ADAMTS9: variants seen among roughly 807,000 people sequenced by gnomAD.
ADAMTS9 encodes A disintegrin and metalloproteinase with thrombospondin motifs 9.
ADAMTS9 carries 107 observed loss-of-function variants against 257.1 expected under a neutral mutation model. That is an observed-to-expected ratio of 0.42 (90% CI 0.36 to 0.49). The LOEUF (loss-of-function observed/expected upper bound fraction) is 0.49. Ranked by LOEUF, ADAMTS9 falls within the 20% of genes least tolerant of loss-of-function variation. ADAMTS9 has a pLI of 0.03. For missense variants in ADAMTS9, 2,353 were observed against 2,469.1 expected (o/e 0.95, Z 1.00); for synonymous variants, 982 against 880.9 (o/e 1.11, Z -2.03).
intron 37 of ADAMTS9, among the ~76,000 whole-genome samples, chr3:64,537,798 T>C (rs935153828): frequency 8.5e-5 from 13 of 152,206 alleles, no homozygotes; most frequent in Non-Finnish European, 1.8e-4. Flanking sequence ...AAGAGAAAAC[T>C]GGCCAAGTTC....
At chr3:64,551,313 C>T (rs1419195106) in intron 30 of ADAMTS9, among the ~76,000 whole-genome samples, 4 of 152,090 alleles carry the variant, frequency 2.6e-5, no homozygotes, top group Admixed American at 1.3e-4. Context: ...GGGTTCACGC[C>T]GTTTTCCTGC....
chr3:64,644,682 C>T (rs1410698464), intron 11 of ADAMTS9, among the ~76,000 whole-genome samples: 1 of 152,174 alleles, frequency 6.6e-6, no homozygotes, highest in African/African-American at 2.4e-5. Flanking sequence ...CCATTTTGTA[C>T]CTTGAGGACA....
At chr3:64,647,750 G>A (rs927598675) in intron 11 of ADAMTS9, among the ~76,000 whole-genome samples, 190 bp downstream of exon 11, 5 of 152,232 alleles carry the variant, frequency 3.3e-5, no homozygotes, top group Non-Finnish European at 7.3e-5. Flanking sequence ...TCTGGTATCA[G>A]CATTATGCTA....
chr3:64,681,164 A>C, intron 3 of ADAMTS9, 37 bp downstream of exon 3: 1 of 1,590,302 alleles, frequency 6.3e-7, no homozygotes, highest in Non-Finnish European at 8.5e-7. Context: ...ACCCATCTCA[A>C]AGAGCTGGGC....
At chr3:64,616,280 G>A (rs978898814) in intron 19 of ADAMTS9, 110 bp from the exon 20 acceptor site, 46 of 1,159,964 alleles carry the variant, frequency 4.0e-5, no homozygotes, top group Non-Finnish European at 5.6e-5. Flanking sequence ...TTCTTAACTC[G>A]AATACCATGA....
chr3:64,653,958 C>T (rs887398685), intron 8 of ADAMTS9, among the ~76,000 whole-genome samples: 6 of 149,374 alleles, frequency 4.0e-5, no homozygotes, highest in Admixed American at 6.9e-5. Context: ...ATCTTGGGGG[C>T]CACAGTAATG....
In ADAMTS9 at chr3:64,658,614, T is replaced by G; in HGVS notation, c.857A>C (p.Lys286Thr). The change falls in exon 4 of 40, where the codon AAA (lysine) becomes ACA (threonine). Residue 286 changes from lysine (K) to threonine (T), a missense_variant. Lys to Thr is a moderately conservative substitution (Grantham distance 78, BLOSUM62 -1). Around this residue, in one of 3 missense-constraint regions of ADAMTS9, gnomAD observed 591 missense variants for 569.6 expected, o/e 1.04. Coordinates refer to ENST00000498707, the MANE Select transcript of ADAMTS9 (RefSeq NM_182920.2). ...AAACCGTGGATAGGATAAAAAACGTTTTGTCCTTCTGTGGGTCCTCTTTTC... is the reference window on the plus strand; with the variant it reads ...AAACCGTGGATAGGATAAAAAACGTGTTGTCCTTCTGTGGGTCCTCTTTTC... Reference protein sequence around the residue: ...TREKRTHRRTKRFLSYPRFVE... With the variant: ...TREKRTHRRTTRFLSYPRFVE... 1 of 1,614,096 alleles carries G rather than the reference T, an allele frequency of 6.2e-7. No individual in the cohort carries two copies. The highest frequency in any genetic ancestry group is 2.2e-5 in the East Asian group (1 of 44,864).
In ADAMTS9 at chr3:64,633,682, C is replaced by A; in HGVS notation, c.2038+16G>T. The A allele has an allele frequency of 9.3e-6, 15 of 1,613,732 alleles. No individual in the cohort carries two copies. The highest frequency in any genetic ancestry group is 1.3e-5 in the Non-Finnish European group (15 of 1,179,850). On this transcript the variant is annotated intron_variant, in intron 13 of 39. Coordinates refer to ENST00000498707, the MANE Select transcript of ADAMTS9 (RefSeq NM_182920.2). ...CCGGCCGGCCAACGGTGAACAGATA[C>A]ACCAGACACACTTACTTCCACTGTA...
intron 28 of ADAMTS9, among the ~76,000 whole-genome samples, chr3:64,572,445 T>C (rs2083714172): frequency 6.6e-6 from 1 of 152,114 alleles, no homozygotes; most frequent in Admixed American, 6.6e-5. Flanking sequence ...CAGACGAATA[T>C]GGGTTTGGTG....
chr3:64,560,937 C>T (rs2083410183), intron 30 of ADAMTS9, among the ~76,000 whole-genome samples: 1 of 152,174 alleles, frequency 6.6e-6, no homozygotes, highest in South Asian at 2.1e-4. Context: ...ATAAAACCTC[C>T]CTGGCCAAAC....
At position 64,657,037 on chromosome 3, in the gene ADAMTS9, G is replaced by C. The variant is rs568033479; in HGVS notation, c.970-1162C>G. Among the ~76,000 whole-genome samples the C allele has an allele frequency of 3.3e-5, 5 of 152,108 alleles. No individual in the cohort carries two copies. The South Asian group carries it at 8.3e-4, about 25-fold the overall frequency. ...GGCTTTTCTGGACCCATCTCGAATC[G>C]TTCAAAAAAACAGCAATGTGTAATA... On this transcript the variant is annotated intron_variant, in intron 4 of 39. Coordinates refer to ENST00000498707, the MANE Select transcript of ADAMTS9 (RefSeq NM_182920.2).
chr3:64,547,509 T>C lies in ADAMTS9; in HGVS notation c.4870-557A>G, dbSNP rs376981643. ...TTTCTCCTATCTCTCTCCCTGGCTA[T>C]AGATTTTTTTTTTTTTTTTTTGAGA... On this transcript the variant is annotated intron_variant, in intron 31 of 39. Transcript: ENST00000498707. Among the ~76,000 whole-genome samples the C allele has an allele frequency of 1.8e-3, 158 of 86,510 alleles. 1 individual carries two copies. Among genetic ancestry groups the C allele is most frequent in the African/African-American group, 4.7e-3 (137 of 29,284 alleles). The allele number at this position is 86,510 out of a possible 152,430, so 56.8% of individuals were successfully genotyped here.
intron 15 of ADAMTS9, 26 bp downstream of exon 15, chr3:64,631,782 C>T (rs777852339): frequency 6.4e-7 from 1 of 1,568,844 alleles, no homozygotes; most frequent in Admixed American, 1.7e-5. Context: ...TATTCCTTCT[C>T]ATGGTTCTTA....
Position 64,541,401 on chromosome 3 carries a change from C to T in ADAMTS9, c.5306G>A (p.Gly1769Glu). 1 of 1,614,016 alleles carries T rather than the reference C, an allele frequency of 6.2e-7. No homozygotes were observed. Residue 1769 changes from glycine to glutamate, a missense_variant, in exon 35 of 40, where the codon GGG (glycine) becomes GAG (glutamate). By Grantham distance (98) the Gly-to-Glu change is moderately conservative (BLOSUM62 -2). This residue lies in a region of ADAMTS9 where 1,402 missense variants were observed against 1,441.4 expected (regional missense o/e 0.97). Transcript: ENST00000498707. ...CTCTTTGGGGTGGTCAGAGTGCATCCCCGCACAGAATATCTGAAAGACCAT... is the reference window on the plus strand; with the variant it reads ...CTCTTTGGGGTGGTCAGAGTGCATCTCCGCACAGAATATCTGAAAGACCAT... The part of the protein sequence containing the change: ...RGKLLKIFCA[G>E]MHSDHPKEYV...
intron 39 of ADAMTS9, among the ~76,000 whole-genome samples, chr3:64,519,056 G>T (rs2082818140): frequency 6.6e-6 from 1 of 152,168 alleles, no homozygotes. Context: ...GGAATTACAG[G>T]CATGAGCCAC....
intron 12 of ADAMTS9, among the ~76,000 whole-genome samples, chr3:64,636,582 C>G (rs902113227): frequency 6.6e-6 from 1 of 152,172 alleles, no homozygotes; most frequent in African/African-American, 2.4e-5. Context: ...ATTTGGCAAA[C>G]TACCATCCTG....
chr3:64,519,389 T>A (rs1190373750), intron 39 of ADAMTS9, among the ~76,000 whole-genome samples: 2 of 152,060 alleles, frequency 1.3e-5, no homozygotes, highest in East Asian at 1.9e-4. Flanking sequence ...CTGGTACCAA[T>A]CCTATTGAAA....
At chr3:64,607,152 C>T in intron 22 of ADAMTS9, 73 bp from the exon 23 acceptor site, 2 of 1,577,262 alleles carry the variant, frequency 1.3e-6, no homozygotes, top group South Asian at 1.2e-5. Context: ...CCATAACATT[C>T]TGCAAGAGAG....
At chr3:64,553,452 T>C (rs2083294578) in intron 30 of ADAMTS9, among the ~76,000 whole-genome samples, 1 of 152,250 alleles carries the variant, frequency 6.6e-6, no homozygotes, top group East Asian at 1.9e-4. Context: ...CATTCCTCAG[T>C]TGATGGACAT....
Sources: allele counts gnomAD v4.1 joint callset (sites outside exome capture counted in the v4.1 genomes callset), GRCh38; gene constraint gnomAD v4.1.1; regional missense constraint gnomAD v4.1.1; transcripts MANE v1.5; gene names NCBI Gene and HGNC (gene_info 2026-07-23, HGNC 2026-07-21).